Variants in ERC1 observed in about 807,000 individuals in gnomAD.
ERC1 encodes the protein RAB6 interacting protein 2.
Under a neutral mutation model 132.0 loss-of-function variants are expected in ERC1, and 56 were observed. That is an observed-to-expected ratio of 0.42 (90% CI 0.34 to 0.53). ERC1 has a LOEUF of 0.53. Ranked by LOEUF, ERC1 falls within the 20% of genes least tolerant of loss-of-function variation. The probability of loss-of-function intolerance (pLI) is 0.03; values close to 1 mark genes in which losing one functional copy is unlikely to be tolerated. For synonymous variants in ERC1, 478 were observed against 476.1 expected, an observed-to-expected ratio of 1.00 and a Z score of -0.05; for missense variants, 1,202 against 1,349.9, an observed-to-expected ratio of 0.89 and a Z score of 1.72.
chr12:1,204,469 C>A, intron 12 of ERC1: 1 of 1,566,806 alleles, frequency 6.4e-7, no homozygotes, highest in Non-Finnish European at 8.6e-7. Context: ...TTCTTTTTCA[C>A]ATTTTCTTCC....
At chr12:1,407,893 C>A (rs965667544) in intron 16 of ERC1, among the ~76,000 whole-genome samples, 1 of 152,116 alleles carries the variant, frequency 6.6e-6, no homozygotes, top group African/African-American at 2.4e-5. Context: ...CCTTAATTAC[C>A]TCCTGAAGAC....
At chr12:1,096,761 TAAGTA>T (rs1006420553) in intron 3 of ERC1, among the ~76,000 whole-genome samples, 3 of 152,232 alleles carry the variant, frequency 2.0e-5, no homozygotes, top group African/African-American at 7.2e-5. Flanking sequence ...GGTGTATAGT[TAAGTA>T]AATTATAAAG....
chr12:1,131,565 C>T (rs1207983572), intron 7 of ERC1, among the ~76,000 whole-genome samples: 1 of 152,046 alleles, frequency 6.6e-6, no homozygotes. Flanking sequence ...GGGTTCGCAC[C>T]ATTCTCCTGC....
intron 8 of ERC1, among the ~76,000 whole-genome samples, chr12:1,161,359 C>T (rs937254315): frequency 2.0e-5 from 3 of 152,154 alleles, no homozygotes; most frequent in Non-Finnish European, 4.4e-5. Context: ...TCAATAAAAA[C>T]GAGGAGGGGT....
intron 2 of ERC1, among the ~76,000 whole-genome samples, chr12:1,080,416 C>A (rs570169098): frequency 6.6e-6 from 1 of 152,174 alleles, no homozygotes; most frequent in Non-Finnish European, 1.5e-5. Flanking sequence ...CTTAGCACAA[C>A]GTCTTGAAGG....
intron 18 of ERC1, among the ~76,000 whole-genome samples, chr12:1,481,927 A>T (rs2094101102): frequency 6.6e-6 from 1 of 152,100 alleles, no homozygotes; most frequent in South Asian, 2.1e-4. Flanking sequence ...TCGGGTCTCC[A>T]TGTTTAGGTT....
intron 16 of ERC1, among the ~76,000 whole-genome samples, chr12:1,398,119 G>A (rs1245530057): frequency 6.6e-6 from 1 of 152,000 alleles, no homozygotes; most frequent in East Asian, 1.9e-4. Context: ...AAGTAGCTGG[G>A]ACTGCGGGCA....
chr12:1,271,543 A>G (rs906781716), intron 14 of ERC1, among the ~76,000 whole-genome samples: 8 of 152,158 alleles, frequency 5.3e-5, no homozygotes, highest in African/African-American at 1.9e-4. Flanking sequence ...TAGAATTGTT[A>G]TCAGATATTT....
intron 15 of ERC1, among the ~76,000 whole-genome samples, chr12:1,291,279 C>G (rs1378831854): frequency 2.0e-5 from 3 of 151,860 alleles, no homozygotes; most frequent in Non-Finnish European, 4.4e-5. Flanking sequence ...GTAAGTGAAG[C>G]CGGAAGTGGA....
At chr12:1,121,645 C>G (rs78394071) in intron 7 of ERC1, among the ~76,000 whole-genome samples, 958 of 14,578 alleles carry the variant, frequency 0.066, 100 homozygotes, top group African/African-American at 0.099. Context: ...CTGATGATCT[C>G]TATCTCTATC....
intron 13 of ERC1, among the ~76,000 whole-genome samples, chr12:1,258,059 T>G (rs2076917021): frequency 6.6e-6 from 1 of 152,180 alleles, no homozygotes; most frequent in African/African-American, 2.4e-5. Flanking sequence ...AATAGTATAT[T>G]AGCTAAAGAA....
chr12:1,153,320 G>C (rs1951006308), intron 8 of ERC1, among the ~76,000 whole-genome samples: 1 of 152,338 alleles, frequency 6.6e-6, no homozygotes, highest in South Asian at 2.1e-4. Context: ...TTAGACAATT[G>C]CAGGTTATCA....
At chr12:1,060,642 T>C (rs930993625) in intron 2 of ERC1, among the ~76,000 whole-genome samples, 7 of 152,238 alleles carry the variant, frequency 4.6e-5, no homozygotes, top group Middle Eastern at 3.4e-3. Context: ...ATGAGACTTA[T>C]TCACTATCAC....
At chr12:1,272,217 T>G (rs1192397255) in intron 14 of ERC1, among the ~76,000 whole-genome samples, 1 of 152,218 alleles carries the variant, frequency 6.6e-6, no homozygotes, top group Non-Finnish European at 1.5e-5. Context: ...TTTAACAGAT[T>G]CTGACACGTG....
At chr12:1,074,427 A>C (rs1219803263) in intron 2 of ERC1, among the ~76,000 whole-genome samples, 2 of 152,024 alleles carry the variant, frequency 1.3e-5, no homozygotes, top group African/African-American at 2.4e-5. Context: ...CAGCCTCCCG[A>C]ATAGCTGGGA....
At chr12:1,083,079 C>G (rs1027330804) in intron 2 of ERC1, 85 bp from the exon 3 acceptor site, 3 of 1,133,764 alleles carry the variant, frequency 2.6e-6, no homozygotes, top group African/African-American at 3.1e-5. Context: ...TTTCTTGTAG[C>G]TATTTTTGAT....
At chr12:1,220,389 G>C (rs1263399486) in intron 12 of ERC1, among the ~76,000 whole-genome samples, 1 of 152,152 alleles carries the variant, frequency 6.6e-6, no homozygotes, top group East Asian at 1.9e-4. Flanking sequence ...AATATTTGCT[G>C]AATAGATGTG....
intron 15 of ERC1, among the ~76,000 whole-genome samples, chr12:1,316,491 C>A (rs73034919): frequency 0.035 from 5,267 of 152,006 alleles, 96 homozygotes; most frequent in Middle Eastern, 0.072. Flanking sequence ...TATAAGAAAC[C>A]AATGACATAC....
At chr12:1,111,153 A>C (rs1434929277) in intron 5 of ERC1, among the ~76,000 whole-genome samples, 3 of 152,180 alleles carry the variant, frequency 2.0e-5, no homozygotes, top group Non-Finnish European at 4.4e-5. Flanking sequence ...CTTCAGGCGT[A>C]ATATGACAAA....
Sources: allele counts gnomAD v4.1 joint callset (sites outside exome capture counted in the v4.1 genomes callset), GRCh38; gene constraint gnomAD v4.1.1; transcripts MANE v1.5; gene names NCBI Gene and HGNC (gene_info 2026-07-23, HGNC 2026-07-21).